Variants in NOS1AP observed in about 807,000 individuals in gnomAD.
NOS1AP encodes the protein carboxyl-terminal PDZ ligand of neuronal nitric oxide synthase protein.
Under a neutral mutation model 56.2 loss-of-function variants are expected in NOS1AP, and 21 were observed. The observed-to-expected ratio is 0.37, with a 90% CI of 0.26 to 0.54. NOS1AP has a LOEUF of 0.54. Ranked by LOEUF, NOS1AP falls within the 20% of genes least tolerant of loss-of-function variation. NOS1AP has a pLI of 0.84. For missense variants in NOS1AP, 522 were observed against 657.8 expected (o/e 0.79, Z 2.26); for synonymous variants, 270 against 274.6 (o/e 0.98, Z 0.17).
At chr1:162,081,774 A>ATATATATATATATATTTTTTTTTTT in intron 1 of NOS1AP, among the ~76,000 whole-genome samples, 4 of 44,060 alleles carry the variant, frequency 9.1e-5, no homozygotes, top group South Asian at 1.5e-3. Flanking sequence ...ATATATATAT[A>ATATATATATATATATTTTTTTTTTT]TTTTTTTTTT....
chr1:162,152,049 C>T (rs1649732908), intron 1 of NOS1AP, among the ~76,000 whole-genome samples: 1 of 152,196 alleles, frequency 6.6e-6, no homozygotes, highest in Non-Finnish European at 1.5e-5. Context: ...CTTCTCTCCA[C>T]CTGTCCTCCC....
intron 7 of NOS1AP, among the ~76,000 whole-genome samples, chr1:162,356,719 G>T (rs550440888): frequency 6.6e-6 from 1 of 152,322 alleles, no homozygotes; most frequent in East Asian, 1.9e-4. Context: ...TCCCATCGGG[G>T]TCAGTTACCG....
intron 7 of NOS1AP, among the ~76,000 whole-genome samples, chr1:162,355,680 G>GCACACACA (rs4038779): frequency 3.3e-5 from 5 of 150,988 alleles, no homozygotes; most frequent in African/African-American, 4.9e-5. Flanking sequence ...GCTCACTCTG[G>GCACACACA]CACACACACA....
chr1:162,116,796 C>T (rs1571025127), intron 1 of NOS1AP, among the ~76,000 whole-genome samples: 1 of 152,094 alleles, frequency 6.6e-6, no homozygotes, highest in African/African-American at 2.4e-5. Flanking sequence ...TTACTGTGCA[C>T]GTTATGAAGA....
At chr1:162,245,674 G>A (rs1415627328) in intron 2 of NOS1AP, among the ~76,000 whole-genome samples, 3 of 152,242 alleles carry the variant, frequency 2.0e-5, no homozygotes, top group Non-Finnish European at 4.4e-5. Context: ...ACATTATTTT[G>A]TGAATGAGAC....
intron 2 of NOS1AP, among the ~76,000 whole-genome samples, chr1:162,221,795 T>G (rs1652790928): frequency 2.6e-5 from 4 of 152,220 alleles, no homozygotes. Flanking sequence ...TGTCAGCTAC[T>G]TTTTAAGACA....
chr1:162,109,703 C>G (rs757457565), intron 1 of NOS1AP, among the ~76,000 whole-genome samples: 1 of 151,898 alleles, frequency 6.6e-6, no homozygotes, highest in Admixed American at 6.6e-5. Flanking sequence ...AAATGGGTCT[C>G]TATTAAGTTT....
intron 2 of NOS1AP, among the ~76,000 whole-genome samples, chr1:162,162,895 A>G (rs192817862): frequency 6.6e-6 from 1 of 152,114 alleles, no homozygotes; most frequent in East Asian, 1.9e-4. Flanking sequence ...CACCACAATC[A>G]ATTTTCAAAC....
intron 2 of NOS1AP, among the ~76,000 whole-genome samples, chr1:162,233,608 A>G (rs941282485): frequency 5.3e-5 from 8 of 152,108 alleles, no homozygotes; most frequent in Non-Finnish European, 1.2e-4. Flanking sequence ...AGTCACTCCA[A>G]TTTTCCCCCA....
intron 2 of NOS1AP, among the ~76,000 whole-genome samples, chr1:162,204,801 G>A (rs1652109493): frequency 6.6e-6 from 1 of 152,192 alleles, no homozygotes; most frequent in Non-Finnish European, 1.5e-5. Context: ...GAATCACTGG[G>A]TTGGTGTTGC....
chr1:162,135,655 C>T (rs144502493), intron 1 of NOS1AP, among the ~76,000 whole-genome samples: 19 of 152,236 alleles, frequency 1.2e-4, no homozygotes, highest in African/African-American at 3.9e-4. Context: ...TGGGGTTCTG[C>T]CTTAAAGCAT....
At chr1:162,079,390 G>A (rs1378521341) in intron 1 of NOS1AP, among the ~76,000 whole-genome samples, 1 of 151,970 alleles carries the variant, frequency 6.6e-6, no homozygotes, top group Non-Finnish European at 1.5e-5. Context: ...ATGAATTGAT[G>A]TCTTTTTTTT....
intron 1 of NOS1AP, among the ~76,000 whole-genome samples, chr1:162,110,437 A>C (rs1027656866): frequency 6.6e-6 from 1 of 152,124 alleles, no homozygotes; most frequent in Non-Finnish European, 1.5e-5. Context: ...ATTCAAATAC[A>C]TGCACCACGT....
At chr1:162,349,546 T>C (rs936609988) in intron 6 of NOS1AP, among the ~76,000 whole-genome samples, 7 of 152,214 alleles carry the variant, frequency 4.6e-5, no homozygotes, top group Non-Finnish European at 1.0e-4. Context: ...CCTTGGCAAA[T>C]TTCATGCTCT....
rs1558090596 is a variant in NOS1AP at position 162,081,767 on chromosome 1, T to TAG, written c.105+11486_105+11487insGA. Among the ~76,000 whole-genome samples the TAG allele has an allele frequency of 3.7e-3, 126 of 33,602 alleles. 1 individual carries two copies. The highest frequency in any genetic ancestry group is 7.2e-3 in the African/African-American group (116 of 16,128). The allele number at this position is 33,602 out of a possible 152,430, so 22.0% of individuals were successfully genotyped here. On this transcript the variant is annotated intron_variant, in intron 1 of 9. Transcript: ENST00000361897. ...ATCTATATCTATAGATATATATATATATATATATTTTTTTTTTGTAGAGAT... is the reference window on the plus strand; with the variant it reads ...ATCTATATCTATAGATATATATATATAGATATATATTTTTTTTTTGTAGAGAT...
chr1:162,249,925 C>A (rs907267278), intron 2 of NOS1AP, among the ~76,000 whole-genome samples: 3 of 152,122 alleles, frequency 2.0e-5, no homozygotes, highest in Non-Finnish European at 4.4e-5. Context: ...GGGCCTTTTG[C>A]AGATGAGGAA....
intron 7 of NOS1AP, 88 bp downstream of exon 7, chr1:162,355,441 C>G (rs987855119): frequency 3.3e-6 from 5 of 1,519,598 alleles, no homozygotes; most frequent in Non-Finnish European, 1.8e-6. Flanking sequence ...GCTCAGCTTC[C>G]GAGTGAGGCA....
rs1218347698 is a variant in NOS1AP, at chr1:162,081,755, G to GATACAT, written c.105+11476_105+11477insCATATA. Among the ~76,000 whole-genome samples, 161 of 71,522 alleles carry GATACAT rather than the reference G, an allele frequency of 2.3e-3. 10 individuals are homozygous for GATACAT. The highest frequency in any genetic ancestry group is 8.1e-3 in the African/African-American group (160 of 19,724). The allele number at this position is 71,522 out of a possible 152,430, so 46.9% of individuals were successfully genotyped here. A position where few individuals can be genotyped will look rare whatever the true frequency, so the allele number is the denominator to read the frequency against. On this transcript the variant is annotated intron_variant, in intron 1 of 9. Transcript: ENST00000361897. ...CTATATATCTATATCTATATCTATA[G>GATACAT]ATATATATATATATATATATTTTTT...
chr1:162,148,943 G>A (rs763726951), intron 1 of NOS1AP, among the ~76,000 whole-genome samples: 2 of 152,180 alleles, frequency 1.3e-5, no homozygotes, highest in African/African-American at 2.4e-5. Flanking sequence ...GGAGAAGCAC[G>A]TTCGGGGATG....
Sources: allele counts gnomAD v4.1 joint callset (sites outside exome capture counted in the v4.1 genomes callset), GRCh38; gene constraint gnomAD v4.1.1; transcripts MANE v1.5; gene names NCBI Gene and HGNC (gene_info 2026-07-23, HGNC 2026-07-21).